IGFBP5: variants seen among roughly 807,000 people sequenced by gnomAD.
IGFBP5 encodes insulin-like growth factor-binding protein 5.
A neutral mutation model predicts 28.0 loss-of-function variants in IGFBP5; 12 were observed. The observed-to-expected ratio is 0.43, with a 90% CI of 0.27 to 0.69. The LOEUF is 0.69. IGFBP5 is among the 30% of genes least tolerant of loss of function. The pLI is 0.20. For missense variants in IGFBP5, 344 were observed against 381.6 expected (o/e 0.90, Z 0.82); for synonymous variants, 152 against 150.2 (o/e 1.01, Z -0.09).
rs1414405785 is a variant in IGFBP5, at chr2:216,672,307, T to G, written c.*4444A>C. The G allele has an allele frequency of 2.0e-5, 3 of 150,880 alleles. No homozygotes were observed. The highest frequency in any genetic ancestry group is 4.4e-5 in the Non-Finnish European group (3 of 67,878). 9.3% of individuals were successfully genotyped at this position (150,880 alleles called of 1,614,324 possible). ...GAGCTCTTCCGCATTCAGGTGTTTT[T>G]TTTTTTTTTTTCGGCTTTTTTTTTT... On this transcript the variant is annotated 3_prime_UTR_variant, in exon 4 of 4. Coordinates refer to ENST00000233813, the MANE Select transcript of IGFBP5 (RefSeq NM_000599.4).
Position 216,694,421 on chromosome 2 carries a change from C to G in IGFBP5, c.337+18G>C. 1 of 1,498,416 alleles carries G rather than the reference C, an allele frequency of 6.7e-7. No individual in the cohort carries two copies. The allele number at this position is 1,498,416 out of a possible 1,614,324, so 92.8% of individuals were successfully genotyped here. Reference sequence around the variant, plus strand: ...GCCCGTGCGCCGCGTAACTGACTGGCACACTGAGCGCGCTCACCGATCTTG... The same window carrying G: ...GCCCGTGCGCCGCGTAACTGACTGGGACACTGAGCGCGCTCACCGATCTTG... On this transcript the variant is annotated intron_variant, in intron 1 of 3. Transcript: ENST00000233813. This position sits in a 1 kb window ranked among gnomAD's most constrained non-coding sequence, Gnocchi z 5.2.
At position 216,679,311 on chromosome 2, in the gene IGFBP5, C is replaced by T. The variant is rs1263356835; in HGVS notation, c.338-232G>A. ...CTTGGAGTCAAGCAGAGAGTGCAGGCAGGGAGGCTTCACAGAGGAGGAGAA... is the reference window on the plus strand; with the variant it reads ...CTTGGAGTCAAGCAGAGAGTGCAGGTAGGGAGGCTTCACAGAGGAGGAGAA... On this transcript the variant is annotated intron_variant, in intron 1 of 3. Coordinates refer to ENST00000233813, the MANE Select transcript of IGFBP5 (RefSeq NM_000599.4). This position sits in a 1 kb window ranked among gnomAD's most constrained non-coding sequence, Gnocchi z 4.6. 1.2e-5 allele frequency: 7 copies of T among 576,270 alleles called. No homozygotes were observed. Among genetic ancestry groups the T allele is most frequent in the Admixed American group, 8.3e-5 (3 of 36,258 alleles). The allele number at this position is 576,270 out of a possible 1,614,324, so 35.7% of individuals were successfully genotyped here.
At chr2:216,681,079 G>A (rs1239956746) in intron 1 of IGFBP5, among the ~76,000 whole-genome samples, 1 of 152,146 alleles carries the variant, frequency 6.6e-6, no homozygotes, top group Non-Finnish European at 1.5e-5. Context: ...TGGGGACTTT[G>A]TACAAATTGA....
chr2:216,682,177 T>C (rs756527047), intron 1 of IGFBP5, among the ~76,000 whole-genome samples: 43 of 152,308 alleles, frequency 2.8e-4, no homozygotes, highest in Admixed American at 1.2e-3. Context: ...TTGATGTGCC[T>C]CCTGGTTTCT....
Position 216,679,018 on chromosome 2 carries a change from G to A in IGFBP5, c.399C>T (p.Ser133=). 6.2e-7 allele frequency: 1 copy of A among 1,614,168 alleles called. No individual in the cohort carries two copies. Among genetic ancestry groups the A allele is most frequent in the African/African-American group, 1.3e-5 (1 of 75,046 alleles). Reference sequence around the variant, plus strand: ...TGTGTTTGGGCCGGAAGATCTTGGGGGAGTAGGTCTCCTCGGCCATCTCAG... The same window carrying A: ...TGTGTTTGGGCCGGAAGATCTTGGGAGAGTAGGTCTCCTCGGCCATCTCAG... ...TTSEMAEETY[S]PKIFRPKHTR... Residue 133 remains serine (S), a synonymous_variant, in exon 2 of 4, where the codon TCC becomes TCT. Transcript: ENST00000233813. This position sits in a 1 kb window ranked among gnomAD's most constrained non-coding sequence, Gnocchi z 4.6.
intron 1 of IGFBP5, among the ~76,000 whole-genome samples, chr2:216,682,692 C>T (rs899959046): frequency 6.6e-6 from 1 of 151,788 alleles, no homozygotes; most frequent in African/African-American, 2.4e-5. Flanking sequence ...GGGCACACTT[C>T]TAGGGACTGG....
rs201110756 is a variant in IGFBP5, at chr2:216,676,747, C to G, written c.*4G>C. ...GGGTGAGGGAAAGGTTGGGGGGGGA[C>G]GCATCACTCAACGTTGCTGCTGTCG... is the stretch of plus-strand genomic sequence containing the variant. On this transcript the variant is annotated 3_prime_UTR_variant, in exon 4 of 4. Coordinates refer to ENST00000233813, the MANE Select transcript of IGFBP5 (RefSeq NM_000599.4). The G allele has an allele frequency of 1.2e-6, 2 of 1,609,662 alleles. No individual in the cohort carries two copies. The highest frequency in any genetic ancestry group is 2.2e-5 in the South Asian group (2 of 90,720).
Position 216,695,117 on chromosome 2 carries a change from C to T in IGFBP5, c.-342G>A, listed in dbSNP as rs2106228574. On this transcript the variant is annotated 5_prime_UTR_variant, in exon 1 of 4. Transcript: ENST00000233813. ...AAAAAAAGCCACAAAATTGTTCACCCCCAAGCAACCACCGAAATAATGAGA... is the reference window on the plus strand; with the variant it reads ...AAAAAAAGCCACAAAATTGTTCACCTCCAAGCAACCACCGAAATAATGAGA... 4.7e-6 allele frequency: 1 copy of T among 211,358 alleles called. No homozygotes were observed. The highest frequency in any genetic ancestry group is 9.6e-5 in the East Asian group (1 of 10,450). 13.1% of individuals were successfully genotyped at this position (211,358 alleles called of 1,614,324 possible).
Position 216,692,431 on chromosome 2 carries a change from T to TGC in IGFBP5, c.337+2006_337+2007dup, listed in dbSNP as rs756119550. The stretch of plus-strand genomic sequence containing the variant: ...GCGCCCTCCGTGCTCGCCTAGCAAT[T>TGC]GCGCGCGCGTGCGCTCTGCGTGTAC... On this transcript the variant is annotated intron_variant, in intron 1 of 3. Transcript: ENST00000233813. The surrounding 1 kb of genome is among the most constrained non-coding windows in gnomAD (Gnocchi z 4.2). Among the ~76,000 whole-genome samples, 3 of 149,140 alleles carry TGC rather than the reference T, an allele frequency of 2.0e-5. No homozygotes were observed. Among genetic ancestry groups the TGC allele is most frequent in the Non-Finnish European group, 4.5e-5 (3 of 67,122 alleles).
chr2:216,685,581 A>G (rs1050728129), intron 1 of IGFBP5, among the ~76,000 whole-genome samples: 5 of 152,168 alleles, frequency 3.3e-5, no homozygotes, highest in African/African-American at 1.2e-4. Flanking sequence ...TGCAGCCACC[A>G]GCCCCTCCCT....
At chr2:216,688,279 A>G (rs1689054328) in intron 1 of IGFBP5, among the ~76,000 whole-genome samples, 2 of 152,178 alleles carry the variant, frequency 1.3e-5, no homozygotes, top group Non-Finnish European at 2.9e-5. Context: ...AGTATTTCCA[A>G]TGAAAATTTA....
chr2:216,688,534 A>T (rs11575147), intron 1 of IGFBP5, among the ~76,000 whole-genome samples: 1 of 152,148 alleles, frequency 6.6e-6, no homozygotes. Flanking sequence ...TTATGTTTCA[A>T]TTGGAAGTGC....
At position 216,692,362 on chromosome 2, in the gene IGFBP5, C is replaced by CGTGTGTGTGTGTGT. The variant is rs59144401; in HGVS notation, c.337+2063_337+2076dup. On this transcript the variant is annotated intron_variant, in intron 1 of 3. Coordinates refer to ENST00000233813, the MANE Select transcript of IGFBP5 (RefSeq NM_000599.4). The surrounding 1 kb of genome is among the most constrained non-coding windows in gnomAD (Gnocchi z 4.2). The stretch of plus-strand genomic sequence containing the variant: ...GGGATCTTGCTTGGGACTGAAGTGT[C>CGTGTGTGTGTGTGT]GTGTGTGTGTGTGTGTGTGTGTGTG... Among the ~76,000 whole-genome samples, 206 of 142,524 alleles carry CGTGTGTGTGTGTGT rather than the reference C, an allele frequency of 1.4e-3. No individual in the cohort carries two copies. The highest frequency in any genetic ancestry group is 3.9e-3 in the East Asian group (18 of 4,636). 93.5% of individuals were successfully genotyped at this position (142,524 alleles called of 152,430 possible).
intron 1 of IGFBP5, among the ~76,000 whole-genome samples, chr2:216,687,024 G>C (rs1689041212): frequency 6.6e-6 from 1 of 152,180 alleles, no homozygotes; most frequent in Non-Finnish European, 1.5e-5. Flanking sequence ...CTCTGCCTTT[G>C]TAGTGCTGTT....
At position 216,675,881 on chromosome 2, in the gene IGFBP5, G is replaced by A. The variant is rs1204496043; in HGVS notation, c.*870C>T. The A allele has an allele frequency of 6.6e-6, 1 of 151,818 alleles. No individual in the cohort carries two copies. Among genetic ancestry groups the A allele is most frequent in the African/African-American group, 2.4e-5 (1 of 41,240 alleles). The allele number at this position is 151,818 out of a possible 1,614,324, so 9.4% of individuals were successfully genotyped here. ...CTACTTACAAATTGAATTAAATGAG[G>A]GCTGAAACGGCACGCTTCAGCATGT... is the stretch of plus-strand genomic sequence containing the variant. On this transcript the variant is annotated 3_prime_UTR_variant, in exon 4 of 4. Transcript: ENST00000233813.
rs1011584209 is a variant in IGFBP5, at chr2:216,692,189, C to A, written c.337+2250G>T. On this transcript the variant is annotated intron_variant, in intron 1 of 3. Transcript: ENST00000233813. The surrounding 1 kb of genome is among the most constrained non-coding windows in gnomAD (Gnocchi z 4.2). Reference sequence around the variant, plus strand: ...GCAGCGGTGGAGCGCCGCCAACCCGCAACAGCAGCCGGCCGGGCACCTGCC... The same window carrying A: ...GCAGCGGTGGAGCGCCGCCAACCCGAAACAGCAGCCGGCCGGGCACCTGCC... 6.6e-6 allele frequency among the ~76,000 whole-genome samples: 1 copy of A among 152,072 alleles called. No individual in the cohort carries two copies. The highest frequency in any genetic ancestry group is 2.4e-5 in the African/African-American group (1 of 41,416).
At chr2:216,683,699 G>A (rs765636739) in intron 1 of IGFBP5, among the ~76,000 whole-genome samples, 1 of 152,204 alleles carries the variant, frequency 6.6e-6, no homozygotes, top group South Asian at 2.1e-4. Context: ...GATGGGAAAT[G>A]TGGAATGCTC....
intron 1 of IGFBP5, among the ~76,000 whole-genome samples, chr2:216,688,031 G>T (rs185530634): frequency 6.6e-6 from 1 of 152,148 alleles, no homozygotes; most frequent in Non-Finnish European, 1.5e-5. Context: ...TGAGAGAGGG[G>T]TTTGCTGGTA....
intron 1 of IGFBP5, among the ~76,000 whole-genome samples, chr2:216,685,372 T>C (rs1488668380): frequency 6.6e-6 from 1 of 152,072 alleles, no homozygotes; most frequent in Non-Finnish European, 1.5e-5. Flanking sequence ...CCTCAGTCAC[T>C]CTAGCCATAT....
Sources: gnomAD v4.1 joint callset for allele counts (sites outside exome capture counted in the v4.1 genomes callset) on GRCh38, gnomAD v4.1.1 for gene constraint, Gnocchi (gnomAD v3.1) non-coding constraint, MANE v1.5 for transcripts, NCBI Gene and HGNC (gene_info 2026-07-23, HGNC 2026-07-21) for gene names.